FSTL5: variants seen among roughly 807,000 people sequenced by gnomAD.
FSTL5 encodes the protein follistatin like 5.
A neutral mutation model predicts 89.1 loss-of-function variants in FSTL5; 62 were observed. The ratio of observed to expected loss-of-function variants is 0.70; its 90% CI spans 0.57 to 0.86. FSTL5 has a LOEUF of 0.86. Among genes scored for constraint, FSTL5 ranks in the 40% least tolerant of loss-of-function variants. The probability of loss-of-function intolerance (pLI) is 0.00; values close to 1 mark genes in which losing one functional copy is unlikely to be tolerated. For synonymous variants in FSTL5, 383 were observed against 346.2 expected (o/e 1.11, Z -1.18); for missense variants, 1,057 against 1,001.6 (o/e 1.06, Z -0.75).
rs35577056 is a variant in FSTL5 at position 161,948,485 on chromosome 4, CTTTTTT to C, written c.161-27839_161-27834del. On this transcript the variant is annotated intron_variant, in intron 3 of 15. Coordinates refer to ENST00000306100, the MANE Select transcript of FSTL5 (RefSeq NM_020116.5). ...TGAACGGAATTTTTTTCTTTTCTTT[CTTTTTT>C]TTTTTTTTTTTTGGAGACAGAGTCT... is the stretch of plus-strand genomic sequence containing the variant. 2.6e-3 allele frequency among the ~76,000 whole-genome samples: 291 copies of C among 114,108 alleles called. 1 individual carries two copies. Among genetic ancestry groups the C allele is most frequent in the African/African-American group, 9.2e-3 (281 of 30,702 alleles). 74.9% of individuals were successfully genotyped at this position (114,108 alleles called of 152,430 possible).
intron 7 of FSTL5, among the ~76,000 whole-genome samples, chr4:161,651,404 C>T (rs146020239): frequency 3.4e-4 from 52 of 151,350 alleles, no homozygotes; most frequent in African/African-American, 1.2e-3. Context: ...AATTTGGTTC[C>T]AGCATTTCCT....
intron 6 of FSTL5, among the ~76,000 whole-genome samples, chr4:161,743,739 T>A (rs897390237): frequency 1.3e-5 from 2 of 152,148 alleles, no homozygotes; most frequent in African/African-American, 4.8e-5. Context: ...AAAATTGGCA[T>A]AGATCAGAAA....
intron 5 of FSTL5, among the ~76,000 whole-genome samples, chr4:161,763,016 C>T (rs556671366): frequency 6.6e-6 from 1 of 152,282 alleles, no homozygotes; most frequent in South Asian, 2.1e-4. Flanking sequence ...AGGAATGACT[C>T]ACTGTCTTGG....
At chr4:161,626,453 C>T (rs755508704) in intron 7 of FSTL5, among the ~76,000 whole-genome samples, 1 of 152,050 alleles carries the variant, frequency 6.6e-6, no homozygotes, top group Non-Finnish European at 1.5e-5. Context: ...ATATTTTAAG[C>T]CCACTATTGA....
chr4:161,925,977 G>A (rs747960425), intron 3 of FSTL5, among the ~76,000 whole-genome samples: 1 of 151,880 alleles, frequency 6.6e-6, no homozygotes, highest in Non-Finnish European at 1.5e-5. Context: ...TTAGAATTAA[G>A]TATAATATTT....
chr4:161,986,317 AGGCAGGT>A (rs1401154283), intron 3 of FSTL5, among the ~76,000 whole-genome samples: 2 of 152,210 alleles, frequency 1.3e-5, no homozygotes, highest in African/African-American at 4.8e-5. Flanking sequence ...TGGGAGGCCG[AGGCAGGT>A]GGATCATTTA....
At chr4:161,965,806 C>T (rs1735309656) in intron 3 of FSTL5, among the ~76,000 whole-genome samples, 1 of 151,874 alleles carries the variant, frequency 6.6e-6, no homozygotes, top group South Asian at 2.1e-4. Context: ...TGTTAGTGTC[C>T]CATTGTAAAG....
At chr4:161,684,837 T>G (rs1737659356) in intron 6 of FSTL5, among the ~76,000 whole-genome samples, 1 of 152,188 alleles carries the variant, frequency 6.6e-6, no homozygotes, top group African/African-American at 2.4e-5. Flanking sequence ...CCTAAGCCAA[T>G]GTCTAGAAGG....
At chr4:161,695,096 G>T (rs184735600) in intron 6 of FSTL5, among the ~76,000 whole-genome samples, 1 of 151,280 alleles carries the variant, frequency 6.6e-6, no homozygotes, top group Admixed American at 6.6e-5. Context: ...GGAATAGATG[G>T]TGTTTGGTTA....
intron 13 of FSTL5, among the ~76,000 whole-genome samples, chr4:161,475,938 A>C (rs1734119367): frequency 6.6e-6 from 1 of 151,970 alleles, no homozygotes; most frequent in Non-Finnish European, 1.5e-5. Flanking sequence ...TATTTTTAGT[A>C]GAGACGGGGT....
chr4:161,794,839 T>C (rs1729586078), intron 4 of FSTL5, among the ~76,000 whole-genome samples: 1 of 152,112 alleles, frequency 6.6e-6, no homozygotes. Flanking sequence ...AATACCAAGA[T>C]AAAAAACCAT....
At chr4:161,763,590 T>C (rs1318061916) in intron 5 of FSTL5, among the ~76,000 whole-genome samples, 1 of 152,196 alleles carries the variant, frequency 6.6e-6, no homozygotes, top group Admixed American at 6.5e-5. Context: ...TCCACTTATT[T>C]ACTCTCTTTG....
chr4:161,810,819 T>C (rs902462770), intron 4 of FSTL5, among the ~76,000 whole-genome samples: 1 of 152,186 alleles, frequency 6.6e-6, no homozygotes, highest in Non-Finnish European at 1.5e-5. Flanking sequence ...ACAAAAATAG[T>C]CATTATCATT....
chr4:161,864,064 C>T (rs570911260), intron 4 of FSTL5, among the ~76,000 whole-genome samples: 1 of 152,290 alleles, frequency 6.6e-6, no homozygotes, highest in African/African-American at 2.4e-5. Flanking sequence ...TTCTGCGGAC[C>T]TGTGGATTAG....
chr4:161,400,115 T>G (rs1224773199), intron 15 of FSTL5, among the ~76,000 whole-genome samples: 1 of 152,110 alleles, frequency 6.6e-6, no homozygotes, highest in African/African-American at 2.4e-5. Context: ...TTCTGAGAAT[T>G]TTTTCAAATT....
intron 3 of FSTL5, among the ~76,000 whole-genome samples, chr4:162,025,167 G>C (rs919746443): frequency 1.3e-5 from 2 of 151,786 alleles, no homozygotes; most frequent in Non-Finnish European, 2.9e-5. Context: ...GACAACTAGA[G>C]GATACTTAAT....
intron 2 of FSTL5, among the ~76,000 whole-genome samples, chr4:162,037,124 A>G (rs548648271): frequency 2.0e-5 from 3 of 151,952 alleles, no homozygotes; most frequent in Non-Finnish European, 4.4e-5. Flanking sequence ...AGAAATTGAG[A>G]GGATTAGGAT....
chr4:161,882,451 A>G (rs1003060339), intron 4 of FSTL5, among the ~76,000 whole-genome samples: 2 of 152,026 alleles, frequency 1.3e-5, no homozygotes, highest in Admixed American at 1.3e-4. Context: ...AAACATTCAG[A>G]CCGCTTTTGC....
intron 4 of FSTL5, among the ~76,000 whole-genome samples, chr4:161,874,892 A>G (rs903319192): frequency 6.6e-6 from 1 of 152,130 alleles, no homozygotes; most frequent in African/African-American, 2.4e-5. Context: ...TTTGTCTATT[A>G]CTTTTATATT....
Sources: gnomAD v4.1 joint callset for allele counts (sites outside exome capture counted in the v4.1 genomes callset) on GRCh38, gnomAD v4.1.1 for gene constraint, MANE v1.5 for transcripts, NCBI Gene and HGNC (gene_info 2026-07-23, HGNC 2026-07-21) for gene names.